The following TTC23 variants were observed in gnomAD, a reference collection of about 807,000 sequenced individuals.
The protein encoded by TTC23 is tetratricopeptide repeat domain 23, also known as tetratricopeptide repeat protein 23.
A neutral mutation model predicts 55.1 loss-of-function variants in TTC23; 58 were observed. That is an observed-to-expected ratio of 1.05 (90% confidence interval 0.85 to 1.31). The LOEUF (loss-of-function observed/expected upper bound fraction) is 1.31. TTC23 is among the 50% of genes most tolerant of loss of function. The pLI is 0.00. For synonymous variants in TTC23, 203 were observed against 199.9 expected, an observed-to-expected ratio of 1.02 and a Z score of -0.13; for missense variants, 516 against 534.4, an observed-to-expected ratio of 0.97 and a Z score of 0.34.
intron 3 of TTC23, among the ~76,000 whole-genome samples, chr15:99,238,693 A>G (rs1439544703): frequency 6.6e-6 from 1 of 152,228 alleles, no homozygotes; most frequent in Non-Finnish European, 1.5e-5. Context: ...CCAGAGCCAC[A>G]AGACATTAAC....
chr15:99,194,469 CT>C (rs1567447790), intron 9 of TTC23, among the ~76,000 whole-genome samples: 2 of 142,038 alleles, frequency 1.4e-5, no homozygotes, highest in South Asian at 2.3e-4. Flanking sequence ...GTCCACTGAT[CT>C]TTGGCAAAGG....
intron 8 of TTC23, among the ~76,000 whole-genome samples, chr15:99,203,108 AAAT>A (rs2152001636): frequency 6.6e-6 from 1 of 152,306 alleles, no homozygotes; most frequent in East Asian, 1.9e-4. Context: ...TGGAAAGTCC[AAAT>A]AATAGGCAAA....
At chr15:99,184,550 C>T (rs2151952606) in intron 9 of TTC23, among the ~76,000 whole-genome samples, 1 of 152,288 alleles carries the variant, frequency 6.6e-6, no homozygotes, top group Non-Finnish European at 1.5e-5. Context: ...TCTGTAGCCC[C>T]TTTTGTTTTG....
At chr15:99,236,325 T>A (rs1049506841) in intron 3 of TTC23, among the ~76,000 whole-genome samples, 7 of 152,160 alleles carry the variant, frequency 4.6e-5, no homozygotes, top group African/African-American at 1.7e-4. Flanking sequence ...ATAATAGCCA[T>A]CCTAATGGAT....
chr15:99,152,520 G>C (rs1295973468), intron 12 of TTC23, among the ~76,000 whole-genome samples: 1 of 151,968 alleles, frequency 6.6e-6, no homozygotes, highest in Non-Finnish European at 1.5e-5. Flanking sequence ...TGAGATTACA[G>C]GTATGCGCCA....
At chr15:99,165,552 C>T (rs2071957734) in intron 10 of TTC23, among the ~76,000 whole-genome samples, 1 of 152,226 alleles carries the variant, frequency 6.6e-6, no homozygotes, top group African/African-American at 2.4e-5. Context: ...TCAGTGCCAG[C>T]TGGCCCTGGG....
rs56223763 is a variant in TTC23, at chr15:99,182,248, TCACACACACA to T, written c.760-7103_760-7094del. On this transcript the variant is annotated intron_variant, in intron 9 of 13. Transcript: ENST00000394132. ...ATCTCTCTCTCTCTCTCTCTCTCTC[TCACACACACA>T]CACACACACACACACACACACACAC... Among the ~76,000 whole-genome samples, 16 of 108,692 alleles carry T rather than the reference TCACACACACA, an allele frequency of 1.5e-4. No individual in the cohort carries two copies. The South Asian group carries it at 2.2e-3, about 15-fold the overall frequency. The allele number at this position is 108,692 out of a possible 152,430, so 71.3% of individuals were successfully genotyped here. A position where few individuals can be genotyped will look rare whatever the true frequency, so the allele number is the denominator to read the frequency against.
intron 12 of TTC23, among the ~76,000 whole-genome samples, chr15:99,151,576 C>T (rs138400221): frequency 4.1e-4 from 62 of 152,200 alleles, no homozygotes; most frequent in African/African-American, 1.3e-3. Context: ...ATCCTGCCGG[C>T]GAATCACTGG....
chr15:99,166,333 C>CGAGAATG, intron 10 of TTC23, among the ~76,000 whole-genome samples: 1 of 152,158 alleles, frequency 6.6e-6, no homozygotes, highest in South Asian at 2.1e-4. Flanking sequence ...CCTCTCAACC[C>CGAGAATG]GAGAATGGCA....
At chr15:99,186,506 C>G (rs757759291) in intron 9 of TTC23, among the ~76,000 whole-genome samples, 1 of 152,076 alleles carries the variant, frequency 6.6e-6, no homozygotes, top group Non-Finnish European at 1.5e-5. Context: ...AACCTGGATA[C>G]AGGGAAATCC....
chr15:99,189,107 T>C (rs560296894), intron 9 of TTC23, among the ~76,000 whole-genome samples: 1 of 152,228 alleles, frequency 6.6e-6, no homozygotes, highest in East Asian at 1.9e-4. Context: ...AAAAAACCCA[T>C]AGTACATACA....
At chr15:99,202,293 T>G (rs1405761600) in intron 8 of TTC23, among the ~76,000 whole-genome samples, 1 of 152,182 alleles carries the variant, frequency 6.6e-6, no homozygotes, top group Non-Finnish European at 1.5e-5. Flanking sequence ...GAAAAAAATA[T>G]TCATCTTTTT....
chr15:99,156,797 G>C (rs1037580981), intron 11 of TTC23, among the ~76,000 whole-genome samples: 14 of 152,290 alleles, frequency 9.2e-5, no homozygotes, highest in Admixed American at 9.2e-4. Context: ...TTGAACAAGA[G>C]TCAGGAAACA....
chr15:99,163,984 A>G (rs765337464), intron 10 of TTC23, among the ~76,000 whole-genome samples: 4 of 152,204 alleles, frequency 2.6e-5, no homozygotes, highest in Non-Finnish European at 5.9e-5. Flanking sequence ...GATAAGAACA[A>G]TTGCACTGGT....
chr15:99,145,534 C>A, intron 12 of TTC23, among the ~76,000 whole-genome samples: 1 of 139,996 alleles, frequency 7.1e-6, no homozygotes, highest in South Asian at 2.2e-4. Context: ...GAAAAACAAA[C>A]AGGGCAGGAT....
chr15:99,183,544 G>C (rs917788875), intron 9 of TTC23, among the ~76,000 whole-genome samples: 1 of 131,714 alleles, frequency 7.6e-6, no homozygotes. Context: ...GTTTCACTGC[G>C]TTAGCCAGAT....
chr15:99,197,337 T>C lies in TTC23; in HGVS notation c.759+2582A>G, dbSNP rs548142967. ...CAGGATGGTCTTGATCTCCTGACCTTGTGATCCACCCTCCTTGGCCTCCCA... is the reference window on the plus strand; with the variant it reads ...CAGGATGGTCTTGATCTCCTGACCTCGTGATCCACCCTCCTTGGCCTCCCA... On this transcript the variant is annotated intron_variant, in intron 9 of 13. Coordinates refer to ENST00000394132, the MANE Select transcript of TTC23 (RefSeq NM_001288615.3). Among the ~76,000 whole-genome samples, 120 of 151,974 alleles carry C rather than the reference T, an allele frequency of 7.9e-4. 1 individual carries two copies. The highest frequency in any genetic ancestry group is 1.9e-3 in the South Asian group (9 of 4,802).
rs8029430 is a variant in TTC23 at position 99,226,808 on chromosome 15, T to C, written c.180+1725A>G. On this transcript the variant is annotated intron_variant, in intron 5 of 13. Transcript: ENST00000394132. ...TCCTGGAGGCCCTCCCTGATCACCC[T>C]ACCCAAGACGGAGCCACTCTATGTC... is the stretch of plus-strand genomic sequence containing the variant. Among the ~76,000 whole-genome samples, 458 of 152,280 alleles carry C rather than the reference T, an allele frequency of 3.0e-3. 1 individual carries two copies. Among genetic ancestry groups the C allele is most frequent in the African/African-American group, 0.011 (439 of 41,554 alleles).
intron 2 of TTC23, among the ~76,000 whole-genome samples, chr15:99,243,206 C>T (rs557354791): frequency 1.1e-4 from 17 of 152,150 alleles, no homozygotes; most frequent in Admixed American, 3.3e-4. Flanking sequence ...TCTGAATAGA[C>T]ATTTCTCAAA....
Sources: allele counts gnomAD v4.1 joint callset (sites outside exome capture counted in the v4.1 genomes callset), GRCh38; gene constraint gnomAD v4.1.1; transcripts MANE v1.5; gene names NCBI Gene and HGNC (gene_info 2026-07-23, HGNC 2026-07-21).